The following C1QTNF3 variants were observed in gnomAD, a reference collection of about 807,000 sequenced individuals.
C1QTNF3 encodes the protein complement C1q tumor necrosis factor-related protein 3.
Under a neutral mutation model 32.6 loss-of-function variants are expected in C1QTNF3, and 26 were observed. That is an observed-to-expected ratio of 0.80 (90% CI 0.58 to 1.11). C1QTNF3 has a LOEUF of 1.11. Ranked by LOEUF, C1QTNF3 falls within the 50% of genes least tolerant of loss-of-function variation. C1QTNF3 has a pLI of 0.00. For missense variants in C1QTNF3, 362 were observed against 398.2 expected (o/e 0.91, Z 0.77); for synonymous variants, 155 against 146.0 (o/e 1.06, Z -0.44).
At chr5:34,127,754 T>C in the C1QTNF3 span, among the ~76,000 whole-genome samples, 3 of 151,662 alleles carry the variant, frequency 2.0e-5, no homozygotes, top group African/African-American at 7.3e-5. Flanking sequence ...CGCCCTGACC[T>C]GGCAGTTTCT....
chr5:34,022,663 C>CACTGCA (rs1416150529), intron 5 of C1QTNF3, among the ~76,000 whole-genome samples: 1 of 152,196 alleles, frequency 6.6e-6, no homozygotes, highest in African/African-American at 2.4e-5. Flanking sequence ...GTTCCATTGG[C>CACTGCA]ACTGCAATTC....
In C1QTNF3 at chr5:34,039,481, C is replaced by T. The variant is rs140673630; in HGVS notation, c.303+3342G>A. The stretch of plus-strand genomic sequence containing the variant: ...CCAAGAATTGAGGTTGTTGCAGACC[C>T]GTGTGGATTCACTTTTGGTAACAGC... On this transcript the variant is annotated intron_variant, in intron 1 of 5. Transcript: ENST00000382065. Among the ~76,000 whole-genome samples, 64 of 152,290 alleles carry T rather than the reference C, an allele frequency of 4.2e-4. No individual in the cohort carries two copies. In the East Asian group the frequency reaches 0.01, roughly 24 times the overall value.
At chr5:34,169,325 T>C in the C1QTNF3 span, among the ~76,000 whole-genome samples, 2 of 152,062 alleles carry the variant, frequency 1.3e-5, no homozygotes, top group African/African-American at 4.8e-5. Flanking sequence ...ATTTATTTAC[T>C]TGAAAGTTCT....
the C1QTNF3 span, among the ~76,000 whole-genome samples, chr5:34,095,018 C>T: frequency 6.6e-6 from 1 of 151,590 alleles, no homozygotes; most frequent in African/African-American, 2.4e-5. Context: ...ATATAATGCA[C>T]ATGTGTATAA....
the C1QTNF3 span, among the ~76,000 whole-genome samples, chr5:34,103,309 T>A: frequency 6.6e-6 from 1 of 152,034 alleles, no homozygotes; most frequent in Non-Finnish European, 1.5e-5. Context: ...TGTTTTCTAC[T>A]TTTTAGAGAG....
the C1QTNF3 span, among the ~76,000 whole-genome samples, chr5:34,078,187 G>A: frequency 6.6e-6 from 1 of 151,622 alleles, no homozygotes; most frequent in Non-Finnish European, 1.5e-5. The surrounding 1 kb of genome is among the most constrained non-coding windows in gnomAD (Gnocchi z 4.0). Flanking sequence ...ATTGGGGCGT[G>A]CTGCTAATGC....
chr5:34,204,136 A>G, the C1QTNF3 span, among the ~76,000 whole-genome samples: 2 of 152,338 alleles, frequency 1.3e-5, no homozygotes, highest in Non-Finnish European at 1.5e-5. Flanking sequence ...ACAAATAAAC[A>G]TAAGACTTAA....
the C1QTNF3 span, among the ~76,000 whole-genome samples, chr5:34,227,484 C>A: frequency 6.6e-6 from 1 of 151,864 alleles, no homozygotes; most frequent in Admixed American, 6.6e-5. Context: ...ATGGACTTAT[C>A]ATTTTCTTAG....
the C1QTNF3 span, among the ~76,000 whole-genome samples, chr5:34,224,205 T>G: frequency 9.9e-5 from 15 of 152,092 alleles, no homozygotes; most frequent in Non-Finnish European, 2.2e-4. Flanking sequence ...AGAATCAATA[T>G]GGTGAAAATG....
chr5:34,103,407 GTCC>G, the C1QTNF3 span, among the ~76,000 whole-genome samples: 1 of 151,214 alleles, frequency 6.6e-6, no homozygotes, highest in Non-Finnish European at 1.5e-5. Flanking sequence ...CCTCTAGTGT[GTCC>G]TCATGTGTGT....
At chr5:34,215,584 A>G in the C1QTNF3 span, among the ~76,000 whole-genome samples, 1 of 152,188 alleles carries the variant, frequency 6.6e-6, no homozygotes, top group Non-Finnish European at 1.5e-5. Flanking sequence ...TCTAGTTGAA[A>G]ATCAACATAA....
chr5:34,123,937 A>AT, the C1QTNF3 span, among the ~76,000 whole-genome samples: 54 of 151,940 alleles, frequency 3.6e-4, no homozygotes, highest in South Asian at 1.9e-3. Flanking sequence ...ACAGAAATAC[A>AT]TTTTTTTTGC....
the C1QTNF3 span, among the ~76,000 whole-genome samples, chr5:34,066,356 C>T: frequency 1.3e-5 from 2 of 152,280 alleles, no homozygotes; most frequent in African/African-American, 2.4e-5. Flanking sequence ...GACAAGCTAC[C>T]TACTGTATCA....
Position 34,028,741 on chromosome 5 carries a change from GTTTCCATC to G in C1QTNF3, c.700+5_700+12del. 6.3e-7 allele frequency: 1 copy of G among 1,578,782 alleles called. No individual in the cohort carries two copies. The highest frequency in any genetic ancestry group is 8.6e-7 in the Non-Finnish European group (1 of 1,161,730). On this transcript the variant is annotated splice_donor_5th_base_variant and intron_variant, in intron 4 of 5. Transcript: ENST00000382065. ...TTGATTAACTCAATCTTCATCCTAT[GTTTCCATC>G]TCACCTGATACTGGGGCCCCAAATC... is the stretch of plus-strand genomic sequence containing the variant.
At chr5:34,058,451 C>T in the C1QTNF3 span, among the ~76,000 whole-genome samples, 2 of 152,154 alleles carry the variant, frequency 1.3e-5, no homozygotes, top group Admixed American at 6.5e-5. Flanking sequence ...AAGTATTAAT[C>T]ACACTTTGCT....
chr5:34,051,409 G>A, the C1QTNF3 span, among the ~76,000 whole-genome samples: 6 of 152,078 alleles, frequency 3.9e-5, no homozygotes, highest in Admixed American at 1.3e-4. Flanking sequence ...ATCCTTGAGG[G>A]AAATAACAAT....
At chr5:34,208,306 T>C in the C1QTNF3 span, among the ~76,000 whole-genome samples, 5 of 152,258 alleles carry the variant, frequency 3.3e-5, no homozygotes, top group African/African-American at 1.2e-4. Flanking sequence ...TTTGTACTTA[T>C]ATTTTCTCCT....
chr5:34,209,593 CT>C, the C1QTNF3 span, among the ~76,000 whole-genome samples: 1 of 151,936 alleles, frequency 6.6e-6, no homozygotes, highest in South Asian at 2.1e-4. Context: ...AGTAGAATAT[CT>C]TTAGACTATC....
At chr5:34,163,742 A>G in the C1QTNF3 span, among the ~76,000 whole-genome samples, 1 of 152,168 alleles carries the variant, frequency 6.6e-6, no homozygotes, top group Non-Finnish European at 1.5e-5. Context: ...TATTATATGC[A>G]TTCATTCTTA....
Sources: gnomAD v4.1 joint callset for allele counts (sites outside exome capture counted in the v4.1 genomes callset) on GRCh38, gnomAD v4.1.1 for gene constraint, Gnocchi (gnomAD v3.1) non-coding constraint, MANE v1.5 for transcripts, NCBI Gene and HGNC (gene_info 2026-07-23, HGNC 2026-07-21) for gene names.